Variants in SLC9A9 observed in about 807,000 individuals in gnomAD.
The protein encoded by SLC9A9 is sodium/hydrogen exchanger 9.
In SLC9A9, 62 loss-of-function variants were observed where a neutral mutation model predicts 77.8. The observed-to-expected ratio is 0.80, with a 90% CI of 0.65 to 0.98. The LOEUF is 0.98. SLC9A9 is among the 50% of genes least tolerant of loss of function. SLC9A9 has a pLI of 0.00. For synonymous variants in SLC9A9, 320 were observed against 283.5 expected, an observed-to-expected ratio of 1.13 and a Z score of -1.29; for missense variants, 775 against 774.9, an observed-to-expected ratio of 1.00 and a Z score of 0.00.
At chr3:143,455,342 A>T (rs541051849) in intron 12 of SLC9A9, among the ~76,000 whole-genome samples, 13 of 152,284 alleles carry the variant, frequency 8.5e-5, no homozygotes, top group African/African-American at 3.1e-4. Context: ...TCTTAAAATC[A>T]AGCAATCTGA....
chr3:143,423,317 G>C (rs2034343722), intron 12 of SLC9A9, among the ~76,000 whole-genome samples: 1 of 149,322 alleles, frequency 6.7e-6, no homozygotes, highest in South Asian at 2.1e-4. Context: ...CACCAAAAGG[G>C]TCATTCATGA....
intron 4 of SLC9A9, among the ~76,000 whole-genome samples, chr3:143,724,694 C>T (rs1934590992): frequency 6.6e-6 from 1 of 152,206 alleles, no homozygotes; most frequent in Non-Finnish European, 1.5e-5. Flanking sequence ...AACAAAACTA[C>T]AATGATTGCT....
chr3:143,795,416 G>T (rs2008358396), intron 3 of SLC9A9, among the ~76,000 whole-genome samples: 1 of 152,050 alleles, frequency 6.6e-6, no homozygotes, highest in Non-Finnish European at 1.5e-5. Flanking sequence ...AATAATGGAA[G>T]ACACAGTTTT....
At chr3:143,826,146 C>T (rs2009291147) in intron 2 of SLC9A9, among the ~76,000 whole-genome samples, 1 of 151,748 alleles carries the variant, frequency 6.6e-6, no homozygotes, top group African/African-American at 2.4e-5. Context: ...GTAGTCCCAG[C>T]TACTTGGGAG....
chr3:143,804,995 T>C (rs1467034233), intron 2 of SLC9A9, among the ~76,000 whole-genome samples: 7 of 152,136 alleles, frequency 4.6e-5, no homozygotes, highest in Non-Finnish European at 1.0e-4. Flanking sequence ...ATGAAGAGTA[T>C]TGTTTTTACC....
intron 12 of SLC9A9, among the ~76,000 whole-genome samples, chr3:143,413,780 CTG>C (rs3068538): frequency 0.45 from 67,647 of 150,002 alleles, 15,207 homozygotes; most frequent in African/African-American, 0.54. Context: ...GTATTATTAA[CTG>C]TGTGTGTGTG....
At chr3:143,663,053 C>G (rs982420679) in intron 5 of SLC9A9, among the ~76,000 whole-genome samples, 1 of 152,152 alleles carries the variant, frequency 6.6e-6, no homozygotes, top group African/African-American at 2.4e-5. Context: ...TGACTGACAC[C>G]TCATACAGCC....
intron 8 of SLC9A9, among the ~76,000 whole-genome samples, chr3:143,562,978 A>G (rs1456312918): frequency 6.6e-6 from 1 of 152,138 alleles, no homozygotes; most frequent in Non-Finnish European, 1.5e-5. Flanking sequence ...GTTTGTGCAC[A>G]ACACTGCCTT....
chr3:143,745,686 A>C (rs1935184540), intron 4 of SLC9A9, among the ~76,000 whole-genome samples: 1 of 152,260 alleles, frequency 6.6e-6, no homozygotes, highest in African/African-American at 2.4e-5. Flanking sequence ...TTGAATTTTC[A>C]TATCATTCCA....
intron 13 of SLC9A9, among the ~76,000 whole-genome samples, chr3:143,376,923 G>A (rs935856724): frequency 2.0e-5 from 3 of 152,162 alleles, no homozygotes; most frequent in African/African-American, 7.2e-5. Flanking sequence ...TGAAATATTC[G>A]TAGAAGTGTA....
At chr3:143,675,708 A>G (rs2039224495) in intron 5 of SLC9A9, among the ~76,000 whole-genome samples, 2 of 152,364 alleles carry the variant, frequency 1.3e-5, no homozygotes, top group South Asian at 2.1e-4. Context: ...ATTTACTAAT[A>G]TCATATAAAA....
intron 14 of SLC9A9, among the ~76,000 whole-genome samples, chr3:143,291,914 G>A (rs934884821): frequency 6.6e-6 from 1 of 152,202 alleles, no homozygotes; most frequent in Non-Finnish European, 1.5e-5. Context: ...GCCAATACGA[G>A]TTTTAAATAA....
chr3:143,320,835 A>G (rs141977287), intron 14 of SLC9A9, among the ~76,000 whole-genome samples: 183 of 152,352 alleles, frequency 1.2e-3, no homozygotes, highest in African/African-American at 4.1e-3. Context: ...GATATAATTA[A>G]GATGAGATGA....
chr3:143,635,480 ATTGGGAATACATC>A (rs2038503870), intron 6 of SLC9A9, among the ~76,000 whole-genome samples: 1 of 152,178 alleles, frequency 6.6e-6, no homozygotes, highest in Non-Finnish European at 1.5e-5. Context: ...TTTCTTTGCT[ATTGGGAATACATC>A]TTTTTGTAGT....
At chr3:143,375,871 G>C (rs1279663262) in intron 13 of SLC9A9, among the ~76,000 whole-genome samples, 2 of 152,176 alleles carry the variant, frequency 1.3e-5, no homozygotes, top group Non-Finnish European at 2.9e-5. Context: ...GCTCACTGTA[G>C]CTATACTTGC....
At chr3:143,693,857 A>G (rs909011602) in intron 4 of SLC9A9, among the ~76,000 whole-genome samples, 3 of 152,148 alleles carry the variant, frequency 2.0e-5, no homozygotes, top group Non-Finnish European at 4.4e-5. Context: ...AGGTTAGAGC[A>G]TGTATAACTC....
At chr3:143,801,325 G>T (rs2008551459) in intron 2 of SLC9A9, among the ~76,000 whole-genome samples, 2 of 152,310 alleles carry the variant, frequency 1.3e-5, no homozygotes, top group South Asian at 2.1e-4. Context: ...GGCTGCCACT[G>T]CCCTAATACT....
chr3:143,595,499 C>T (rs1316268430), intron 6 of SLC9A9, among the ~76,000 whole-genome samples: 1 of 152,142 alleles, frequency 6.6e-6, no homozygotes, highest in Admixed American at 6.5e-5. Context: ...ACCAATACAT[C>T]CTTCAATCTT....
At chr3:143,507,338 G>C (rs777570983) in intron 9 of SLC9A9, among the ~76,000 whole-genome samples, 3 of 152,062 alleles carry the variant, frequency 2.0e-5, no homozygotes, top group Non-Finnish European at 2.9e-5. Context: ...CTCCCGAGTA[G>C]CTGGGACTAC....
Sources: gnomAD v4.1 joint callset for allele counts (sites outside exome capture counted in the v4.1 genomes callset) on GRCh38, gnomAD v4.1.1 for gene constraint, MANE v1.5 for transcripts, NCBI Gene and HGNC (gene_info 2026-07-23, HGNC 2026-07-21) for gene names.